Variants in VPS13A observed in about 807,000 individuals in gnomAD.
The protein encoded by VPS13A is vacuolar protein sorting 13 homolog A, also known as intermembrane lipid transfer protein VPS13A.
Under a neutral mutation model 390.9 loss-of-function variants are expected in VPS13A, and 264 were observed. That is an observed-to-expected ratio of 0.68 (90% CI 0.61 to 0.75). VPS13A has a LOEUF of 0.75. VPS13A is among the 30% of genes least tolerant of loss of function. The pLI is 0.00. For missense variants in VPS13A, 3,409 were observed against 3,733.9 expected, an observed-to-expected ratio of 0.91 and a Z score of 2.27; for synonymous variants, 1,231 against 1,227.1, an observed-to-expected ratio of 1.00 and a Z score of -0.07.
Position 77,212,972 on chromosome 9 carries a change from A to G in VPS13A, c.559A>G (p.Thr187Ala). 6.2e-7 allele frequency: 1 copy of G among 1,613,950 alleles called. No individual in the cohort carries two copies. Among genetic ancestry groups the G allele is most frequent in the Non-Finnish European group, 8.5e-7 (1 of 1,179,944 alleles). ...ISLQNLSMQT[T>A]DQYWVPCLHD... is the part of the protein sequence containing the mutation. ...CATTGTTTTTTTTCCTTTTCAGACA[A>G]CTGATCAATACTGGGTTCCATGTTT... Residue 187 changes from threonine (T) to alanine (A), a missense_variant, in exon 8 of 72, where the codon ACT (threonine) becomes GCT (alanine). This residue lies in a region of VPS13A where 2,717 missense variants were observed against 2,917.4 expected (regional missense o/e 0.93). Transcript: ENST00000360280.
At position 77,421,458 on chromosome 9, in the gene VPS13A, T is replaced by C. The variant is rs1054487372; in HGVS notation, c.*5452T>C. 1 of 152,238 alleles carries C rather than the reference T, an allele frequency of 6.6e-6. No homozygotes were observed. Among genetic ancestry groups the C allele is most frequent in the South Asian group, 2.1e-4 (1 of 4,830 alleles). 9.4% of individuals were successfully genotyped at this position (152,238 alleles called of 1,614,324 possible). A position where few individuals can be genotyped will look rare whatever the true frequency, so the allele number is the denominator to read the frequency against. ...CTTAACAATAAGCATTTCTTGGTAT[T>C]GGTAGATTTGGATTGCATGGTAAGA... On this transcript the variant is annotated 3_prime_UTR_variant, in exon 72 of 72. Coordinates refer to ENST00000360280, the MANE Select transcript of VPS13A (RefSeq NM_033305.3).
chr9:77,371,351 T>G (rs1453184067), intron 67 of VPS13A, among the ~76,000 whole-genome samples: 2 of 152,136 alleles, frequency 1.3e-5, no homozygotes, highest in Non-Finnish European at 2.9e-5. Context: ...AGTCCAAGAT[T>G]GAGAGGCAAC....
intron 26 of VPS13A, chr9:77,279,746 C>G (rs893445012): frequency 5.4e-6 from 1 of 185,570 alleles, no homozygotes; most frequent in African/African-American, 2.4e-5. Flanking sequence ...TCATCTCATT[C>G]CCGGTCTGTC....
intron 68 of VPS13A, among the ~76,000 whole-genome samples, chr9:77,392,807 A>G (rs1316682969): frequency 7.6e-6 from 1 of 131,052 alleles, no homozygotes; most frequent in South Asian, 2.7e-4. Context: ...TTAAAAATAC[A>G]TAATTGCTAA....
intron 1 of VPS13A, among the ~76,000 whole-genome samples, chr9:77,181,034 A>G (rs1823984823): frequency 6.6e-6 from 1 of 152,186 alleles, no homozygotes; most frequent in African/African-American, 2.4e-5. Flanking sequence ...TAGGCAACAG[A>G]CAGCGAGACT....
intron 31 of VPS13A, among the ~76,000 whole-genome samples, chr9:77,292,884 G>A (rs1478501565): frequency 6.6e-6 from 1 of 152,068 alleles, no homozygotes; most frequent in Non-Finnish European, 1.5e-5. Flanking sequence ...ATAGCAATAG[G>A]AGGAGACTCC....
intron 17 of VPS13A, among the ~76,000 whole-genome samples, chr9:77,228,966 C>T (rs976022414): frequency 6.6e-6 from 1 of 152,204 alleles, no homozygotes; most frequent in African/African-American, 2.4e-5. Flanking sequence ...TATCTCCCAC[C>T]AGGTCCCTCC....
intron 68 of VPS13A, among the ~76,000 whole-genome samples, chr9:77,394,698 GT>G (rs1269308290): frequency 2.6e-5 from 4 of 152,212 alleles, no homozygotes; most frequent in Non-Finnish European, 5.9e-5. Flanking sequence ...AAAATCTGTA[GT>G]TTAGTGTAGC....
chr9:77,213,387 T>G, intron 9 of VPS13A, 73 bp downstream of exon 9: 1 of 1,218,536 alleles, frequency 8.2e-7, no homozygotes, highest in Middle Eastern at 2.4e-4. Context: ...GTCATTTATC[T>G]AATATACTGT....
intron 23 of VPS13A, among the ~76,000 whole-genome samples, chr9:77,272,310 G>C (rs1197191892): frequency 6.6e-6 from 1 of 152,124 alleles, no homozygotes; most frequent in Non-Finnish European, 1.5e-5. Context: ...TTTGAAAATG[G>C]TTTGATAGTG....
rs1482223870 is a variant in VPS13A, at chr9:77,291,371, TGGG to T, written c.3340-1968_3340-1966del. Among the ~76,000 whole-genome samples the T allele has an allele frequency of 6.6e-4, 100 of 152,296 alleles. 2 individuals carry two copies. The highest frequency in any genetic ancestry group is 5.9e-3 in the Admixed American group (90 of 15,292). On this transcript the variant is annotated intron_variant, in intron 31 of 71. Transcript: ENST00000360280. Reference sequence around the variant, plus strand: ...AACAGCTCCCTGTTACCAAAAAGGCTGGGGACCACAGATGCATAGCATAATAGA... The same window carrying T: ...AACAGCTCCCTGTTACCAAAAAGGCTGACCACAGATGCATAGCATAATAGA...
At chr9:77,206,127 C>T (rs1310615707) in intron 5 of VPS13A, 48 bp downstream of exon 5, 1 of 1,227,502 alleles carries the variant, frequency 8.1e-7, no homozygotes, top group African/African-American at 1.5e-5. Context: ...GTAGAAAAGA[C>T]CTAAATATTT....
intron 46 of VPS13A, among the ~76,000 whole-genome samples, chr9:77,336,200 T>C (rs892850325): frequency 2.6e-5 from 4 of 151,990 alleles, no homozygotes; most frequent in African/African-American, 9.7e-5. Flanking sequence ...CTGGGGCCTG[T>C]TGTGGGGTGA....
chr9:77,359,310 A>G (rs766944499), intron 57 of VPS13A, 23 bp from the exon 58 acceptor site: 3 of 1,604,946 alleles, frequency 1.9e-6, no homozygotes, highest in Non-Finnish European at 2.6e-6. Context: ...TCATGGGAGT[A>G]ATTATATTTA....
At chr9:77,249,662 G>T (rs1230817066) in intron 20 of VPS13A, among the ~76,000 whole-genome samples, 1 of 152,140 alleles carries the variant, frequency 6.6e-6, no homozygotes, top group Non-Finnish European at 1.5e-5. Flanking sequence ...TGCATAAATG[G>T]CAGAGTTGGA....
At chr9:77,368,664 C>A (rs188984909) in intron 62 of VPS13A, among the ~76,000 whole-genome samples, 9 of 152,140 alleles carry the variant, frequency 5.9e-5, no homozygotes, top group African/African-American at 2.2e-4. Context: ...ACTATGTGAC[C>A]CTGAGTATCA....
At chr9:77,302,876 A>T in intron 33 of VPS13A, 39 bp from the exon 34 acceptor site, 1 of 1,582,420 alleles carries the variant, frequency 6.3e-7, no homozygotes, top group Non-Finnish European at 8.7e-7. Context: ...ACCTGAATGT[A>T]TATGAAACAA....
chr9:77,321,440 T>G, intron 43 of VPS13A, 51 bp from the exon 44 acceptor site: 1 of 1,605,392 alleles, frequency 6.2e-7, no homozygotes, highest in Admixed American at 1.7e-5. Context: ...GTTCTCCTTG[T>G]CATTTAATTT....
chr9:77,362,954 C>T (rs1200159738), intron 59 of VPS13A, among the ~76,000 whole-genome samples: 1 of 151,974 alleles, frequency 6.6e-6, no homozygotes, highest in Non-Finnish European at 1.5e-5. Flanking sequence ...TTTTTTTATA[C>T]TGATCTTGTA....
Sources: gnomAD v4.1 joint callset for allele counts (sites outside exome capture counted in the v4.1 genomes callset) on GRCh38, gnomAD v4.1.1 for gene constraint, gnomAD v4.1.1 regional missense constraint, MANE v1.5 for transcripts, NCBI Gene and HGNC (gene_info 2026-07-23, HGNC 2026-07-21) for gene names.